The following TMEFF2 variants were observed in gnomAD, a reference collection of about 807,000 sequenced individuals.
TMEFF2 encodes the protein tomoregulin-2.
Under a neutral mutation model 53.8 loss-of-function variants are expected in TMEFF2, and 28 were observed. The ratio of observed to expected loss-of-function variants is 0.52; its 90% CI spans 0.39 to 0.71. TMEFF2 has a LOEUF of 0.71. Among genes scored for constraint, TMEFF2 ranks in the 30% least tolerant of loss-of-function variants. The pLI, the probability that TMEFF2 is intolerant of heterozygous loss-of-function variation, is 0.00. For missense variants in TMEFF2, 353 were observed against 455.2 expected (o/e 0.78, Z 2.04); for synonymous variants, 162 against 166.3 (o/e 0.97, Z 0.20).
chr2:192,071,546 A>C (rs949313684), intron 4 of TMEFF2, among the ~76,000 whole-genome samples: 4 of 151,952 alleles, frequency 2.6e-5, no homozygotes, highest in Admixed American at 6.6e-5. Flanking sequence ...TACCCTAAAA[A>C]AGAGTACCGT....
intron 5 of TMEFF2, among the ~76,000 whole-genome samples, chr2:192,022,689 C>A (rs76669734): frequency 1.1e-4 from 16 of 152,230 alleles, no homozygotes; most frequent in Non-Finnish European, 2.2e-4. Context: ...CACTAATTCA[C>A]TGATTTTGCC....
chr2:192,109,711 G>C (rs1156723801), intron 4 of TMEFF2, among the ~76,000 whole-genome samples: 1 of 152,042 alleles, frequency 6.6e-6, no homozygotes, highest in Non-Finnish European at 1.5e-5. Flanking sequence ...TTGAATTGAA[G>C]TAGGAACTTC....
rs73984914 is a variant in TMEFF2 at position 192,193,949 on chromosome 2, T to A, written c.172+404A>T. 5.3e-5 allele frequency among the ~76,000 whole-genome samples: 8 copies of A among 152,252 alleles called. No individual in the cohort carries two copies. In the East Asian group the frequency reaches 1.5e-3, roughly 29 times the overall value. On this transcript the variant is annotated intron_variant, in intron 1 of 9. Transcript: ENST00000272771. ...TGATTTATTGCTTTCTCGCTCATTC[T>A]TTCTCATAAAGTTATTTCTTCCTCA...
chr2:192,082,053 G>T (rs946026507), intron 4 of TMEFF2, among the ~76,000 whole-genome samples: 4 of 152,148 alleles, frequency 2.6e-5, no homozygotes, highest in Admixed American at 6.5e-5. Flanking sequence ...ACCCGTCTTG[G>T]CCTCCCAAAG....
At chr2:192,119,895 C>T (rs1003820570) in intron 4 of TMEFF2, among the ~76,000 whole-genome samples, 5 of 152,132 alleles carry the variant, frequency 3.3e-5, no homozygotes, top group Non-Finnish European at 7.4e-5. Context: ...ATTTTTAAAG[C>T]CAACCTGGGT....
rs570314925 is a variant in TMEFF2, at chr2:192,057,568, T to C, written c.536+111A>G. On this transcript the variant is annotated intron_variant, in intron 5 of 9. Coordinates refer to ENST00000272771, the MANE Select transcript of TMEFF2 (RefSeq NM_016192.4). ...TTTTTTTTTTCACTTGGGAACTGAA[T>C]AAGAAAATAAAAATGCAGACAATGT... 22 of 1,002,784 alleles carry C rather than the reference T, an allele frequency of 2.2e-5. No individual in the cohort carries two copies. In the South Asian group the frequency reaches 3.0e-4, roughly 14 times the overall value. The allele number at this position is 1,002,784 out of a possible 1,614,324, so 62.1% of individuals were successfully genotyped here. A position where few individuals can be genotyped will look rare whatever the true frequency, so the allele number is the denominator to read the frequency against.
intron 7 of TMEFF2, among the ~76,000 whole-genome samples, chr2:191,977,122 G>A (rs72914366): frequency 1.1e-4 from 16 of 152,294 alleles, no homozygotes; most frequent in Middle Eastern, 3.4e-3. Context: ...ATCTGAAGCC[G>A]ATACATGAAA....
At chr2:191,992,148 G>A (rs148501062) in intron 7 of TMEFF2, among the ~76,000 whole-genome samples, 339 of 152,138 alleles carry the variant, frequency 2.2e-3, no homozygotes, top group African/African-American at 7.9e-3. Flanking sequence ...CACTGTAATA[G>A]CCTGGGCAAA....
intron 4 of TMEFF2, among the ~76,000 whole-genome samples, chr2:192,113,514 T>G (rs915427478): frequency 1.3e-4 from 20 of 152,146 alleles, no homozygotes; most frequent in African/African-American, 2.4e-4. Flanking sequence ...GGATATTTCT[T>G]CCTTAAGAAA....
chr2:192,121,170 G>T (rs941782199), intron 4 of TMEFF2, among the ~76,000 whole-genome samples: 2 of 152,108 alleles, frequency 1.3e-5, no homozygotes, highest in Admixed American at 1.3e-4. Flanking sequence ...ATGTTAGCAG[G>T]TAATTCTAAC....
At chr2:191,983,819 T>C (rs1220728656) in intron 7 of TMEFF2, among the ~76,000 whole-genome samples, 1 of 152,204 alleles carries the variant, frequency 6.6e-6, no homozygotes, top group Non-Finnish European at 1.5e-5. Flanking sequence ...AATGTTTATA[T>C]TCATTTCAAG....
rs1251085084 is a variant in TMEFF2 at position 191,957,136 on chromosome 2, G to A, written c.746-758C>T. Reference sequence around the variant, plus strand: ...ACACTTTTGCCTGCCATTACAACATGTTCTACTTGTTTTGCCATGTTTTCA... The same window carrying A: ...ACACTTTTGCCTGCCATTACAACATATTCTACTTGTTTTGCCATGTTTTCA... On this transcript the variant is annotated intron_variant, in intron 7 of 9. Coordinates refer to ENST00000272771, the MANE Select transcript of TMEFF2 (RefSeq NM_016192.4). 6.6e-5 allele frequency among the ~76,000 whole-genome samples: 10 copies of A among 152,196 alleles called. No individual in the cohort carries two copies. The South Asian group carries it at 1.2e-3, about 19-fold the overall frequency.
intron 4 of TMEFF2, among the ~76,000 whole-genome samples, chr2:192,064,062 A>G (rs1178309426): frequency 6.6e-6 from 1 of 151,766 alleles, no homozygotes; most frequent in Non-Finnish European, 1.5e-5. Context: ...AAGCTCACCA[A>G]CTTGGTATTT....
intron 4 of TMEFF2, among the ~76,000 whole-genome samples, chr2:192,156,323 AT>A (rs1690505525): frequency 6.6e-6 from 1 of 152,062 alleles, no homozygotes; most frequent in Non-Finnish European, 1.5e-5. Context: ...ACATGAATAC[AT>A]TTAATCCTCA....
intron 4 of TMEFF2, among the ~76,000 whole-genome samples, chr2:192,107,894 C>T (rs1689187256): frequency 6.6e-6 from 1 of 151,318 alleles, no homozygotes; most frequent in South Asian, 2.1e-4. Flanking sequence ...CCTCTATCTG[C>T]CTTACAAAAC....
chr2:192,188,428 C>T lies in TMEFF2; in HGVS notation c.282+3452G>A, dbSNP rs548721582. Among the ~76,000 whole-genome samples the T allele has an allele frequency of 1.9e-3, 287 of 152,280 alleles. 7 individuals carry two copies. Among genetic ancestry groups the T allele is most frequent in the Non-Finnish European group, 1.3e-4 (9 of 68,028 alleles). The stretch of plus-strand genomic sequence containing the variant: ...TGACAGTCAGACATATGAGTGAGAA[C>T]CCTCAGATCGGTATAGCACCAAGCC... On this transcript the variant is annotated intron_variant, in intron 2 of 9. Transcript: ENST00000272771.
intron 7 of TMEFF2, among the ~76,000 whole-genome samples, chr2:191,976,546 C>CAA (rs1361022092): frequency 2.6e-5 from 4 of 152,144 alleles, no homozygotes; most frequent in Admixed American, 2.6e-4. Flanking sequence ...AGGGTCATTC[C>CAA]GCAGAAAGAA....
At chr2:192,109,809 G>T (rs1689234756) in intron 4 of TMEFF2, among the ~76,000 whole-genome samples, 2 of 152,108 alleles carry the variant, frequency 1.3e-5, no homozygotes, top group Admixed American at 6.6e-5. Context: ...ATATTATGTT[G>T]TAGGTTCTTT....
intron 5 of TMEFF2, among the ~76,000 whole-genome samples, chr2:192,000,719 T>G (rs549488761): frequency 4.7e-4 from 71 of 152,338 alleles, no homozygotes; most frequent in African/African-American, 1.7e-3. Flanking sequence ...TTACCTAGAT[T>G]GCTGTTTAAA....
Sources: allele counts gnomAD v4.1 joint callset (sites outside exome capture counted in the v4.1 genomes callset), GRCh38; gene constraint gnomAD v4.1.1; transcripts MANE v1.5; gene names NCBI Gene and HGNC (gene_info 2026-07-23, HGNC 2026-07-21).